The following ERGIC2 variants were observed in gnomAD, a reference collection of about 807,000 sequenced individuals.
The protein encoded by ERGIC2 is ERGIC and golgi 2.
Under a neutral mutation model 52.5 loss-of-function variants are expected in ERGIC2, and 31 were observed. That is an observed-to-expected ratio of 0.59 (90% CI 0.44 to 0.80). ERGIC2 has a LOEUF of 0.80. ERGIC2 is among the 30% of genes least tolerant of loss of function. The probability of loss-of-function intolerance (pLI) is 0.00; values close to 1 mark genes in which losing one functional copy is unlikely to be tolerated. For missense variants in ERGIC2, 395 were observed against 455.2 expected (o/e 0.87, Z 1.20); for synonymous variants, 129 against 140.6 (o/e 0.92, Z 0.58).
intron 12 of ERGIC2, among the ~76,000 whole-genome samples, chr12:29,342,823 A>G (rs889038008): frequency 1.3e-4 from 20 of 152,196 alleles, no homozygotes; most frequent in African/African-American, 4.6e-4. Context: ...TAGGTGATCT[A>G]TTCCAAGCTA....
chr12:29,339,266 C>CA lies in ERGIC2; in HGVS notation c.*1889dup, dbSNP rs2136842910. On this transcript the variant is annotated 3_prime_UTR_variant, in exon 14 of 14. Coordinates refer to ENST00000360150, the MANE Select transcript of ERGIC2 (RefSeq NM_016570.3). ...ACAATTAAAAATCATATATAAGTAT[C>CA]AAAATAATTTTTAAAGTCCTTTTTA... 1 of 152,166 alleles carries CA rather than the reference C, an allele frequency of 6.6e-6. No individual in the cohort carries two copies. Among genetic ancestry groups the CA allele is most frequent in the Non-Finnish European group, 1.5e-5 (1 of 67,970 alleles). The allele number at this position is 152,166 out of a possible 1,614,324, so 9.4% of individuals were successfully genotyped here.
intron 13 of ERGIC2, 85 bp downstream of exon 13, chr12:29,341,649 A>G: frequency 1.4e-6 from 1 of 736,992 alleles, no homozygotes. Flanking sequence ...TTGGGATTAC[A>G]GGTGTGAGCC....
At chr12:29,349,841 G>A (rs1940107360) in intron 9 of ERGIC2, among the ~76,000 whole-genome samples, 172 bp downstream of exon 9, 1 of 151,982 alleles carries the variant, frequency 6.6e-6, no homozygotes, top group Admixed American at 6.6e-5. Flanking sequence ...GCAACTCAGA[G>A]CCATGACCAA....
At position 29,368,400 on chromosome 12, in the gene ERGIC2, G is replaced by T. The variant is rs930546972; in HGVS notation, c.216-113C>A. On this transcript the variant is annotated intron_variant, in intron 3 of 13. Coordinates refer to ENST00000360150, the MANE Select transcript of ERGIC2 (RefSeq NM_016570.3). ...GATTTCAAGCAGAATAAATTATGTC[G>T]ATTAGAACTTGAATTGCATTTCTCA... The T allele has an allele frequency of 6.7e-6, 4 of 595,224 alleles. No individual in the cohort carries two copies. The South Asian group carries it at 8.7e-5, about 13-fold the overall frequency. The allele number at this position is 595,224 out of a possible 1,614,324, so 36.9% of individuals were successfully genotyped here.
At chr12:29,348,231 A>C (rs1198663702) in intron 10 of ERGIC2, among the ~76,000 whole-genome samples, 3 of 152,148 alleles carry the variant, frequency 2.0e-5, no homozygotes, top group Admixed American at 6.5e-5. Context: ...CATCTTTAAT[A>C]TATGATTATA....
At chr12:29,361,774 C>G in intron 5 of ERGIC2, 89 bp from the exon 6 acceptor site, 1 of 1,031,494 alleles carries the variant, frequency 9.7e-7, no homozygotes, top group Non-Finnish European at 1.4e-6. Flanking sequence ...GAGCAGGAAA[C>G]ATAAACTTAA....
rs138510945 is a variant in ERGIC2, at chr12:29,372,198, C to T, written c.-37-528G>A. 7.1e-3 allele frequency among the ~76,000 whole-genome samples: 1,082 copies of T among 152,028 alleles called. 6 individuals carry two copies. The highest frequency in any genetic ancestry group is 0.038 in the Middle Eastern group (11 of 292). On this transcript the variant is annotated intron_variant, in intron 1 of 13. Coordinates refer to ENST00000360150, the MANE Select transcript of ERGIC2 (RefSeq NM_016570.3). ...CTCTACTAAAAATACAAAAAATTAG[C>T]CAGGTGTGGTGGCACGTGCCTGTAG...
intron 10 of ERGIC2, among the ~76,000 whole-genome samples, chr12:29,346,148 T>TA (rs1940048445): frequency 6.6e-6 from 1 of 151,694 alleles, no homozygotes; most frequent in East Asian, 1.9e-4. Context: ...TTAAAATCGT[T>TA]AACATCCTTT....
At chr12:29,344,043 C>A (rs1940007276) in intron 11 of ERGIC2, among the ~76,000 whole-genome samples, 1 of 152,130 alleles carries the variant, frequency 6.6e-6, no homozygotes, top group Non-Finnish European at 1.5e-5. Flanking sequence ...GATTCTATTA[C>A]ATATGTATTT....
intron 7 of ERGIC2, 125 bp downstream of exon 7, chr12:29,357,498 C>T: frequency 1.6e-6 from 1 of 626,326 alleles, no homozygotes; most frequent in East Asian, 2.7e-5. Context: ...CTTTATAGTA[C>T]AGAATGATTC....
intron 11 of ERGIC2, among the ~76,000 whole-genome samples, chr12:29,344,932 C>T (rs1037361286): frequency 4.6e-5 from 7 of 152,028 alleles, no homozygotes; most frequent in Admixed American, 2.0e-4. Context: ...GCCATACCAC[C>T]CTGAGGTAGT....
In ERGIC2 at chr12:29,362,639, T is replaced by C. The variant is rs1407803163; in HGVS notation, c.334-954A>G. 5.9e-5 allele frequency among the ~76,000 whole-genome samples: 9 copies of C among 152,138 alleles called. No individual in the cohort carries two copies. In the East Asian group the frequency reaches 1.5e-3, roughly 26 times the overall value. ...CTTTACTAGTCCTAGTTCACAGCTC[T>C]ACTTCTGTGATTTGATTTTTTAATT... On this transcript the variant is annotated intron_variant, in intron 5 of 13. Coordinates refer to ENST00000360150, the MANE Select transcript of ERGIC2 (RefSeq NM_016570.3).
chr12:29,366,901 A>G lies in ERGIC2; in HGVS notation c.309T>C (p.Ser103=). 6.2e-7 allele frequency: 1 copy of G among 1,604,244 alleles called. No homozygotes were observed. The highest frequency in any genetic ancestry group is 1.7e-4 in the Middle Eastern group (1 of 6,034). The change falls in exon 5 of 14, where the codon TCT becomes TCC. Residue 103 remains serine (S), a synonymous_variant. Transcript: ENST00000360150. The part of the protein sequence containing the change: ...VLDLAETMVA[S]ADGLVYEPTV... The stretch of plus-strand genomic sequence containing the variant: ...CTGGTTCATAAACTAAACCATCTGC[A>G]GATGCAACCATTGTTTCTGCTAAAT...
intron 4 of ERGIC2, among the ~76,000 whole-genome samples, chr12:29,368,027 T>C (rs1940388956): frequency 6.6e-6 from 1 of 151,832 alleles, no homozygotes; most frequent in Admixed American, 6.6e-5. Flanking sequence ...TTAATTATAC[T>C]AATGTGAAAG....
At chr12:29,347,188 G>C (rs567181185) in intron 10 of ERGIC2, among the ~76,000 whole-genome samples, 1 of 152,266 alleles carries the variant, frequency 6.6e-6, no homozygotes, top group African/African-American at 2.4e-5. Flanking sequence ...AATCATGTGT[G>C]GCTAAGCCAC....
intron 2 of ERGIC2, among the ~76,000 whole-genome samples, chr12:29,370,532 T>C (rs1006848014): frequency 2.0e-5 from 3 of 152,096 alleles, no homozygotes; most frequent in Non-Finnish European, 4.4e-5. Flanking sequence ...GTATTTCTTA[T>C]ATAAAACAGT....
intron 9 of ERGIC2, 73 bp from the exon 10 acceptor site, chr12:29,349,250 T>A: frequency 1.6e-6 from 1 of 610,568 alleles, no homozygotes; most frequent in Non-Finnish European, 2.8e-6. Flanking sequence ...CAGACTGGTT[T>A]ACATCCTTAT....
At chr12:29,343,057 A>G in intron 12 of ERGIC2, 63 bp downstream of exon 12, 2 of 1,400,392 alleles carry the variant, frequency 1.4e-6, no homozygotes, top group Non-Finnish European at 1.9e-6. Context: ...CCCCTTTGAG[A>G]AGAAGCAACT....
chr12:29,364,272 C>T (rs1293446676), intron 5 of ERGIC2, among the ~76,000 whole-genome samples: 1 of 151,878 alleles, frequency 6.6e-6, no homozygotes, highest in African/African-American at 2.4e-5. Context: ...AGTCCCCCCT[C>T]AACAGAATGG....
Sources: allele counts gnomAD v4.1 joint callset (sites outside exome capture counted in the v4.1 genomes callset), GRCh38; gene constraint gnomAD v4.1.1; transcripts MANE v1.5; gene names NCBI Gene and HGNC (gene_info 2026-07-23, HGNC 2026-07-21).